Variants in ANTXR2 observed in about 807,000 individuals in gnomAD.
ANTXR2 encodes anthrax toxin receptor 2.
ANTXR2 carries 44 observed loss-of-function variants against 73.7 expected under a neutral mutation model. The ratio of observed to expected loss-of-function variants is 0.60; its 90% CI spans 0.47 to 0.77. ANTXR2 has a LOEUF of 0.77. ANTXR2 is among the 30% of genes least tolerant of loss of function. The probability of loss-of-function intolerance (pLI) is 0.00; values close to 1 mark genes in which losing one functional copy is unlikely to be tolerated. For missense variants in ANTXR2, 604 were observed against 592.5 expected (o/e 1.02, Z -0.20); for synonymous variants, 217 against 205.9 (o/e 1.05, Z -0.46).
At chr4:79,930,960 T>A (rs943426423) in intron 16 of ANTXR2, among the ~76,000 whole-genome samples, 1 of 152,184 alleles carries the variant, frequency 6.6e-6, no homozygotes, top group Non-Finnish European at 1.5e-5. Context: ...AATAATATAA[T>A]CCCAGAAAGA....
At position 79,907,172 on chromosome 4, in the gene ANTXR2, T is replaced by C; in HGVS notation, c.*257A>G. 1 of 539,794 alleles carries C rather than the reference T, an allele frequency of 1.9e-6. No individual in the cohort carries two copies. The highest frequency in any genetic ancestry group is 3.2e-6 in the Non-Finnish European group (1 of 308,848). The allele number at this position is 539,794 out of a possible 1,614,324, so 33.4% of individuals were successfully genotyped here. Reference sequence around the variant, plus strand: ...GTACAAACCATAGTCTGCAGGTCAATGTTCCTCTTTATTTTCAATGTCATA... The same window carrying C: ...GTACAAACCATAGTCTGCAGGTCAACGTTCCTCTTTATTTTCAATGTCATA... On this transcript the variant is annotated 3_prime_UTR_variant, in exon 17 of 17. Transcript: ENST00000403729.
intron 12 of ANTXR2, among the ~76,000 whole-genome samples, chr4:79,995,538 T>G (rs1730683759): frequency 6.6e-6 from 1 of 151,908 alleles, no homozygotes; most frequent in Admixed American, 6.6e-5. Flanking sequence ...ATCTGGGAAA[T>G]AAATTGGATT....
intron 16 of ANTXR2, among the ~76,000 whole-genome samples, chr4:79,933,817 C>CTCCG (rs1223993357): frequency 2.0e-5 from 3 of 147,182 alleles, no homozygotes; most frequent in Non-Finnish European, 4.5e-5. Context: ...TCACTGCAAG[C>CTCCG]TCCGCCTCCT....
intron 16 of ANTXR2, among the ~76,000 whole-genome samples, chr4:79,910,242 G>A (rs1727070585): frequency 6.6e-6 from 1 of 152,060 alleles, no homozygotes; most frequent in African/African-American, 2.4e-5. Flanking sequence ...CGGGTGTGGT[G>A]GCTCACGCCT....
At chr4:80,025,762 G>T (rs1732405054) in intron 10 of ANTXR2, among the ~76,000 whole-genome samples, 1 of 152,046 alleles carries the variant, frequency 6.6e-6, no homozygotes. Flanking sequence ...TTTGACTAAG[G>T]ATACTTTCTT....
intron 11 of ANTXR2, among the ~76,000 whole-genome samples, chr4:80,011,313 A>ATCTG (rs1000408650): frequency 0.018 from 2,139 of 116,826 alleles, 20 homozygotes; most frequent in Middle Eastern, 0.076. Flanking sequence ...CTATCTATCT[A>ATCTG]TCTGTCTATC....
chr4:79,982,381 T>C (rs1172513044), intron 14 of ANTXR2, among the ~76,000 whole-genome samples: 2 of 152,152 alleles, frequency 1.3e-5, no homozygotes, highest in Non-Finnish European at 2.9e-5. Flanking sequence ...CCCCGTTATA[T>C]AGATCTTTTT....
At chr4:79,983,055 C>T (rs911782873) in intron 14 of ANTXR2, among the ~76,000 whole-genome samples, 7 of 151,896 alleles carry the variant, frequency 4.6e-5, no homozygotes, top group South Asian at 2.1e-4. Flanking sequence ...CAATAGGAAA[C>T]GTGCAACAAT....
In ANTXR2 at chr4:79,906,382, C is replaced by A. The variant is rs1726909126; in HGVS notation, c.*1047G>T. ...AGATGAGCAAAATCTTCACAGGCTG[C>A]TGCTTGCTGTTGCTTTTAATTATAT... On this transcript the variant is annotated 3_prime_UTR_variant, in exon 17 of 17. Transcript: ENST00000403729. The A allele has an allele frequency of 6.6e-6, 1 of 152,586 alleles. No homozygotes were observed. The highest frequency in any genetic ancestry group is 2.4e-5 in the African/African-American group (1 of 41,434). 9.5% of individuals were successfully genotyped at this position (152,586 alleles called of 1,614,324 possible).
intron 3 of ANTXR2, among the ~76,000 whole-genome samples, chr4:80,056,761 T>C (rs1578190809): frequency 1.3e-5 from 2 of 152,062 alleles, no homozygotes; most frequent in African/African-American, 2.4e-5. Context: ...TCATGACTAA[T>C]TCACTATCCC....
chr4:79,909,083 C>A (rs1332985762), intron 16 of ANTXR2, among the ~76,000 whole-genome samples: 2 of 152,070 alleles, frequency 1.3e-5, no homozygotes, highest in African/African-American at 4.8e-5. Context: ...TTGAACTATG[C>A]AAATTCAACA....
chr4:80,035,642 T>C (rs1732917330), intron 8 of ANTXR2, among the ~76,000 whole-genome samples: 2 of 152,166 alleles, frequency 1.3e-5, no homozygotes, highest in African/African-American at 4.8e-5. Context: ...AGTCTACATA[T>C]ACCTGACTGT....
chr4:79,963,626 T>C (rs1374037322), intron 16 of ANTXR2, among the ~76,000 whole-genome samples: 2 of 152,184 alleles, frequency 1.3e-5, no homozygotes, highest in African/African-American at 2.4e-5. Context: ...TACTTTTGAG[T>C]CAGCATCTCT....
intron 16 of ANTXR2, among the ~76,000 whole-genome samples, chr4:79,932,159 T>C (rs188727987): frequency 1.3e-5 from 2 of 152,320 alleles, no homozygotes; most frequent in Non-Finnish European, 2.9e-5. Context: ...CATTGTCAAT[T>C]AAATGAATAT....
At chr4:80,008,681 A>T in intron 11 of ANTXR2, 65 bp from the exon 12 acceptor site, 2 of 1,018,964 alleles carry the variant, frequency 2.0e-6, no homozygotes, top group East Asian at 2.9e-5. Flanking sequence ...CCAAATGTAT[A>T]TATATTTTAA....
In ANTXR2 at chr4:79,905,607, A is replaced by G. The variant is rs1560833534; in HGVS notation, c.*1822T>C. 6.6e-6 allele frequency: 1 copy of G among 152,188 alleles called. No homozygotes were observed. Among genetic ancestry groups the G allele is most frequent in the Admixed American group, 6.6e-5 (1 of 15,266 alleles). 9.4% of individuals were successfully genotyped at this position (152,188 alleles called of 1,614,324 possible). ...TTTTTATTTATGAATGTGTGGACAC[A>G]TGACTTTGGATCCAGCCAGCCAGTG... On this transcript the variant is annotated 3_prime_UTR_variant, in exon 17 of 17. Coordinates refer to ENST00000403729, the MANE Select transcript of ANTXR2 (RefSeq NM_058172.6).
At chr4:80,053,041 T>C (rs13105817) in intron 7 of ANTXR2, among the ~76,000 whole-genome samples, 6,727 of 151,638 alleles carry the variant, frequency 0.044, 184 homozygotes, top group Middle Eastern at 0.11. Context: ...ATTATAAAAA[T>C]CATTACAAAT....
At chr4:79,938,143 T>G (rs1304663771) in intron 16 of ANTXR2, among the ~76,000 whole-genome samples, 4 of 2,752 alleles carry the variant, frequency 1.5e-3, no homozygotes, top group Non-Finnish European at 2.7e-3. Context: ...GCAACGAGGC[T>G]GGGGGAGGGG....
intron 10 of ANTXR2, among the ~76,000 whole-genome samples, chr4:80,020,012 T>C (rs1732081461): frequency 6.6e-6 from 1 of 152,180 alleles, no homozygotes; most frequent in Non-Finnish European, 1.5e-5. Context: ...AGGGTTTGTA[T>C]GGAAAGAGCT....
Sources: allele counts gnomAD v4.1 joint callset (sites outside exome capture counted in the v4.1 genomes callset), GRCh38; gene constraint gnomAD v4.1.1; transcripts MANE v1.5; gene names NCBI Gene and HGNC (gene_info 2026-07-23, HGNC 2026-07-21).